The following RAP1GDS1 variants were observed in gnomAD, a reference collection of about 807,000 sequenced individuals.
The protein encoded by RAP1GDS1 is Rap1 GTPase-GDP dissociation stimulator 1.
A neutral mutation model predicts 71.1 loss-of-function variants in RAP1GDS1; 35 were observed. The ratio of observed to expected loss-of-function variants is 0.49; its 90% CI spans 0.38 to 0.65. The LOEUF (loss-of-function observed/expected upper bound fraction) is 0.65. RAP1GDS1 is among the 30% of genes least tolerant of loss of function. The pLI, the probability that RAP1GDS1 is intolerant of heterozygous loss-of-function variation, is 0.00. For missense variants in RAP1GDS1, 663 were observed against 706.1 expected, an observed-to-expected ratio of 0.94 and a Z score of 0.69; for synonymous variants, 229 against 243.1, an observed-to-expected ratio of 0.94 and a Z score of 0.54.
chr4:98,349,307 T>C (rs1292511516), intron 3 of RAP1GDS1, among the ~76,000 whole-genome samples: 2 of 152,236 alleles, frequency 1.3e-5, no homozygotes, highest in African/African-American at 4.8e-5. Context: ...GAGGCCTCTG[T>C]TCTGTTCCAT....
At chr4:98,383,181 ATTG>A (rs1207095988) in intron 5 of RAP1GDS1, among the ~76,000 whole-genome samples, 1 of 151,634 alleles carries the variant, frequency 6.6e-6, no homozygotes, top group East Asian at 1.9e-4. Flanking sequence ...TTCTCCTAGT[ATTG>A]TTGTGCTAGA....
At chr4:98,364,362 C>T (rs1248653970) in intron 4 of RAP1GDS1, among the ~76,000 whole-genome samples, 2 of 152,048 alleles carry the variant, frequency 1.3e-5, no homozygotes, top group South Asian at 2.1e-4. Context: ...GATAAAAAAA[C>T]TGAGACCTGA....
chr4:98,276,320 A>G (rs1298487296), intron 1 of RAP1GDS1, among the ~76,000 whole-genome samples: 1 of 152,174 alleles, frequency 6.6e-6, no homozygotes, highest in Non-Finnish European at 1.5e-5. Context: ...TTTTTAGGGG[A>G]CACAAACATT....
chr4:98,376,521 T>C (rs1741208756), intron 4 of RAP1GDS1, among the ~76,000 whole-genome samples: 1 of 152,084 alleles, frequency 6.6e-6, no homozygotes, highest in Non-Finnish European at 1.5e-5. Flanking sequence ...AGATGACTTA[T>C]GTCACTGGTT....
At position 98,372,137 on chromosome 4, in the gene RAP1GDS1, T is replaced by C. The variant is rs193198336; in HGVS notation, c.362-6880T>C. On this transcript the variant is annotated intron_variant, in intron 4 of 14. Coordinates refer to ENST00000408927, the MANE Select transcript of RAP1GDS1 (RefSeq NM_001100427.2). ...CGCCTTTTTTTGGATTCTTCACATT[T>C]AGCTCCATTACTGGCTTCTTGTGTT... Among the ~76,000 whole-genome samples, 144 of 152,206 alleles carry C rather than the reference T, an allele frequency of 9.5e-4. 2 individuals are homozygous for C. Among genetic ancestry groups the C allele is most frequent in the Admixed American group, 9.3e-3 (142 of 15,280 alleles).
chr4:98,320,499 A>G (rs1008741440), intron 2 of RAP1GDS1, among the ~76,000 whole-genome samples: 2 of 152,242 alleles, frequency 1.3e-5, no homozygotes, highest in Admixed American at 1.3e-4. Context: ...AGCAACGCAG[A>G]AGACGGGTGA....
intron 12 of RAP1GDS1, among the ~76,000 whole-genome samples, chr4:98,422,838 G>A (rs1286954667): frequency 6.6e-6 from 1 of 152,128 alleles, no homozygotes; most frequent in African/African-American, 2.4e-5. Context: ...CCTATTACCT[G>A]TCTCACCCAG....
chr4:98,332,529 AAGG>A (rs777724128), intron 2 of RAP1GDS1, among the ~76,000 whole-genome samples: 7 of 152,182 alleles, frequency 4.6e-5, no homozygotes, highest in African/African-American at 1.2e-4. Flanking sequence ...CAAGAGGAGA[AAGG>A]AGGAGAGCAG....
chr4:98,337,619 A>G (rs72896346), intron 2 of RAP1GDS1, among the ~76,000 whole-genome samples: 1,898 of 152,336 alleles, frequency 0.012, 42 homozygotes, highest in African/African-American at 0.044. Flanking sequence ...TTAATAAAAA[A>G]TTAAGACACA....
intron 8 of RAP1GDS1, 46 bp from the exon 9 acceptor site, chr4:98,417,321 C>T: frequency 1.3e-6 from 2 of 1,564,872 alleles, no homozygotes; most frequent in South Asian, 1.2e-5. Flanking sequence ...TTTGTTACTC[C>T]TAGTTATTTT....
intron 13 of RAP1GDS1, 152 bp from the exon 14 acceptor site, chr4:98,436,788 A>G (rs1308951170): frequency 2.7e-6 from 2 of 732,618 alleles, no homozygotes; most frequent in Non-Finnish European, 3.9e-6. Flanking sequence ...CTCTTTTCAC[A>G]TGGTCTGAAT....
At chr4:98,429,127 G>A (rs1273372010) in intron 12 of RAP1GDS1, among the ~76,000 whole-genome samples, 3 of 152,042 alleles carry the variant, frequency 2.0e-5, no homozygotes, top group African/African-American at 7.2e-5. Flanking sequence ...GCATGGTGGC[G>A]GGCGCCTGTA....
At chr4:98,383,311 C>A (rs1229078254) in intron 5 of RAP1GDS1, among the ~76,000 whole-genome samples, 1 of 151,300 alleles carries the variant, frequency 6.6e-6, no homozygotes, top group African/African-American at 2.4e-5. Context: ...AAAGTAGAGG[C>A]AATTGAAAGA....
chr4:98,391,926 T>C, intron 5 of RAP1GDS1, 26 bp from the exon 6 acceptor site: 1 of 1,553,992 alleles, frequency 6.4e-7, no homozygotes, highest in Non-Finnish European at 8.7e-7. Flanking sequence ...TTCTTTTCTG[T>C]TGTTGTTTTT....
rs779251441 is a variant in RAP1GDS1 at position 98,293,515 on chromosome 4, A to G, written c.112A>G (p.Asn38Asp). ...DCLLQALAQN[N>D]TETSEKIQAS... The stretch of plus-strand genomic sequence containing the variant: ...TCTGCTTCAAGCCCTGGCTCAAAAT[A>G]GTAAGTTTCATTATGTTTACTCAAA... Residue 38 changes from asparagine (N) to aspartate (D), a missense_variant and splice_region_variant, in exon 2 of 15, where the codon AAT becomes GAT. Coordinates refer to ENST00000408927, the MANE Select transcript of RAP1GDS1 (RefSeq NM_001100427.2). 3 of 1,598,030 alleles carry G rather than the reference A, an allele frequency of 1.9e-6. No homozygotes were observed. The highest frequency in any genetic ancestry group is 3.5e-5 in the Admixed American group (2 of 57,880).
chr4:98,381,488 TTA>T (rs1742015965), intron 5 of RAP1GDS1, among the ~76,000 whole-genome samples: 1 of 151,694 alleles, frequency 6.6e-6, no homozygotes, highest in African/African-American at 2.4e-5. Flanking sequence ...TCCTTAAAAT[TTA>T]TGTTTGAAGA....
At chr4:98,290,918 C>A (rs1726825506) in intron 1 of RAP1GDS1, among the ~76,000 whole-genome samples, 1 of 152,088 alleles carries the variant, frequency 6.6e-6, no homozygotes, top group Admixed American at 6.6e-5. Flanking sequence ...AGAAGAGGCT[C>A]TGTGCACAAC....
At chr4:98,366,568 C>T (rs1454415354) in intron 4 of RAP1GDS1, among the ~76,000 whole-genome samples, 1 of 152,066 alleles carries the variant, frequency 6.6e-6, no homozygotes, top group Non-Finnish European at 1.5e-5. Context: ...CAGAAGAAGA[C>T]AGGAAAATGT....
intron 2 of RAP1GDS1, among the ~76,000 whole-genome samples, chr4:98,313,865 C>T (rs1007219230): frequency 3.3e-5 from 5 of 152,004 alleles, no homozygotes; most frequent in African/African-American, 1.2e-4. Flanking sequence ...GTAAGAATCA[C>T]GATCATGTCC....
Sources: allele counts gnomAD v4.1 joint callset (sites outside exome capture counted in the v4.1 genomes callset), GRCh38; gene constraint gnomAD v4.1.1; transcripts MANE v1.5; gene names NCBI Gene and HGNC (gene_info 2026-07-23, HGNC 2026-07-21).